Variants in RNF10 observed in about 807,000 individuals in gnomAD.
RNF10 encodes ring finger protein 10.
Under a neutral mutation model 91.4 loss-of-function variants are expected in RNF10, and 38 were observed. The ratio of observed to expected loss-of-function variants is 0.42; its 90% CI spans 0.32 to 0.54. The LOEUF (loss-of-function observed/expected upper bound fraction) is 0.54, where lower values mean the gene tolerates loss of function less well. RNF10 is among the 20% of genes least tolerant of loss of function. The pLI, the probability that RNF10 is intolerant of heterozygous loss-of-function variation, is 0.16. For synonymous variants in RNF10, 364 were observed against 366.3 expected (o/e 0.99, Z 0.07); for missense variants, 945 against 1,012.0 (o/e 0.93, Z 0.90).
At chr12:120,564,312 C>T (rs2096318452) in intron 10 of RNF10, among the ~76,000 whole-genome samples, 1 of 152,070 alleles carries the variant, frequency 6.6e-6, no homozygotes, top group South Asian at 2.1e-4. Context: ...ATAAATTTTT[C>T]ATCAAACATA....
chr12:120,548,402 A>G (rs1256994939), intron 2 of RNF10, among the ~76,000 whole-genome samples: 1 of 152,156 alleles, frequency 6.6e-6, no homozygotes, highest in African/African-American at 2.4e-5. Flanking sequence ...AGAAGAGAGC[A>G]CAGTCAGGGC....
chr12:120,557,004 C>T (rs1055862460), intron 4 of RNF10, among the ~76,000 whole-genome samples: 1 of 146,716 alleles, frequency 6.8e-6, no homozygotes, highest in African/African-American at 2.5e-5. Flanking sequence ...ATTAGCTGAG[C>T]GTGGTGGCAG....
chr12:120,565,346 G>A, intron 11 of RNF10, 82 bp from the exon 12 acceptor site: 3 of 1,348,214 alleles, frequency 2.2e-6, no homozygotes, highest in Non-Finnish European at 2.1e-6. Flanking sequence ...GCCTACTGTT[G>A]TGGGTTTAGC....
In RNF10 at chr12:120,552,549, TAAG is replaced by T; in HGVS notation, c.410_412del (p.Lys137del). The T allele has an allele frequency of 2.5e-6, 4 of 1,614,212 alleles. No individual in the cohort carries two copies. The highest frequency in any genetic ancestry group is 3.4e-6 in the Non-Finnish European group (4 of 1,180,032). Reference sequence around the variant, plus strand: ...TTAGCCCTGCCCAGTTCTCTGGTCCTAAGAAGATCAACCTGAACCACTTGTTGA... The same window carrying T: ...TTAGCCCTGCCCAGTTCTCTGGTCCTAAGATCAACCTGAACCACTTGTTGA... On this transcript the variant is annotated inframe_deletion, in exon 3 of 17. Coordinates refer to ENST00000325954, the MANE Select transcript of RNF10 (RefSeq NM_014868.5).
intron 1 of RNF10, 95 bp from the exon 2 acceptor site, chr12:120,546,310 C>T: frequency 8.9e-7 from 1 of 1,129,292 alleles, no homozygotes. Context: ...GTCAAAGGGC[C>T]TATTCACCCT....
At position 120,557,412 on chromosome 12, in the gene RNF10, C is replaced by T. The variant is rs772206831; in HGVS notation, c.776C>T (p.Thr259Met). The change falls in exon 5 of 17, where the codon ACG becomes ATG. Residue 259 changes from threonine to methionine, a missense_variant. Coordinates refer to ENST00000325954, the MANE Select transcript of RNF10 (RefSeq NM_014868.5). ...CACTATCTTTCACTGAGTGAGAAGA[C>T]GTGGAGTAAATGTCCCATCTGTTAC... ...ILHYLSLSEK[T>M]WSKCPICYSS... 30 of 1,614,046 alleles carry T rather than the reference C, an allele frequency of 1.9e-5. No homozygotes were observed. The highest frequency in any genetic ancestry group is 8.0e-5 in the African/African-American group (6 of 74,920).
chr12:120,563,792 A>AGAGC lies in RNF10; in HGVS notation c.1532-17_1532-14dup. On this transcript the variant is annotated splice_polypyrimidine_tract_variant and intron_variant, in intron 9 of 16. Coordinates refer to ENST00000325954, the MANE Select transcript of RNF10 (RefSeq NM_014868.5). ...GGACTGGCCAAGACTGGTGTGTGATAGAGCCCCTTGTCCTCAGCGGAAGAT... is the reference window on the plus strand; with the variant it reads ...GGACTGGCCAAGACTGGTGTGTGATAGAGCGAGCCCCTTGTCCTCAGCGGAAGAT... The AGAGC allele has an allele frequency of 6.2e-7, 1 of 1,613,622 alleles. No individual in the cohort carries two copies.
intron 6 of RNF10, 87 bp downstream of exon 6, chr12:120,557,769 T>C: frequency 6.8e-7 from 1 of 1,463,116 alleles, no homozygotes; most frequent in Non-Finnish European, 9.5e-7. Context: ...AAGTGAAGCC[T>C]TTGGGCAGGG....
chr12:120,575,578 A>G (rs1234785399), intron 14 of RNF10, 53 bp from the exon 15 acceptor site: 5 of 1,603,768 alleles, frequency 3.1e-6, no homozygotes, highest in African/African-American at 2.7e-5. Context: ...TCTGAAAAAG[A>G]AGTTGGACCA....
chr12:120,551,838 G>A (rs1049973655), intron 2 of RNF10, among the ~76,000 whole-genome samples: 3 of 151,904 alleles, frequency 2.0e-5, no homozygotes, highest in Non-Finnish European at 4.4e-5. Flanking sequence ...TTCTCTCATT[G>A]CTATTAAGAA....
chr12:120,535,288 C>G, intron 1 of RNF10: 1 of 248,982 alleles, frequency 4.0e-6, no homozygotes, highest in Non-Finnish European at 7.7e-6. Flanking sequence ...GTTTGTGTGA[C>G]TCATCAGTCC....
chr12:120,571,418 G>A, intron 14 of RNF10, 127 bp downstream of exon 14: 1 of 713,446 alleles, frequency 1.4e-6, no homozygotes, highest in East Asian at 2.7e-5. Context: ...TGAGTCATCT[G>A]ATGGGTAGGA....
In RNF10 at chr12:120,543,189, C is replaced by G. The variant is rs1871819324; in HGVS notation, c.158-3216C>G. 3.9e-5 allele frequency among the ~76,000 whole-genome samples: 6 copies of G among 151,966 alleles called. No homozygotes were observed. In the South Asian group the frequency reaches 1.0e-3, roughly 26 times the overall value. ...TGTACTTACCAAGAAATAATTTTTT[C>G]TAAGTTTAAAAAAAATTACTCAGAT... is the stretch of plus-strand genomic sequence containing the variant. On this transcript the variant is annotated intron_variant, in intron 1 of 16. Transcript: ENST00000325954.
In RNF10 at chr12:120,555,325, GCACC is replaced by G. The variant is rs1323117977; in HGVS notation, c.645+519_645+522del. ...GCCTCCTGAGTAGCTGGGATTACAG[GCACC>G]CGCCACCACGCCTGGCTAATTTTTG... On this transcript the variant is annotated intron_variant, in intron 4 of 16. Transcript: ENST00000325954. Among the ~76,000 whole-genome samples the G allele has an allele frequency of 6.1e-4, 93 of 151,752 alleles. 1 individual carries two copies. Among genetic ancestry groups the G allele is most frequent in the African/African-American group, 2.0e-3 (82 of 41,290 alleles).
rs769905989 is a variant in RNF10, at chr12:120,575,710, AGGGGGAGTTT to A, written c.2200+25_2200+34del. 5 of 1,614,056 alleles carry A rather than the reference AGGGGGAGTTT, an allele frequency of 3.1e-6. No homozygotes were observed. In the African/African-American group the frequency reaches 6.7e-5, roughly 22 times the overall value. On this transcript the variant is annotated intron_variant, in intron 15 of 16. Coordinates refer to ENST00000325954, the MANE Select transcript of RNF10 (RefSeq NM_014868.5). ...AAAGGTGAGGATGGTCCACTGGTGAAGGGGGAGTTTGGCTTCTTTCCATAAAAGGCTGTTT... is the reference window on the plus strand; with the variant it reads ...AAAGGTGAGGATGGTCCACTGGTGAAGGCTTCTTTCCATAAAAGGCTGTTT...
At chr12:120,562,859 G>A (rs1031179503) in intron 7 of RNF10, 86 bp from the exon 8 acceptor site, 8 of 1,554,964 alleles carry the variant, frequency 5.1e-6, no homozygotes, top group Middle Eastern at 1.8e-4. Flanking sequence ...TGGTCCTGTT[G>A]AGAGGCCATT....
chr12:120,537,358 G>A (rs929884891), intron 1 of RNF10, among the ~76,000 whole-genome samples: 1 of 152,082 alleles, frequency 6.6e-6, no homozygotes, highest in Admixed American at 6.6e-5. Context: ...CGGGTGCGGT[G>A]GCTCACGCCT....
chr12:120,571,469 T>G (rs1876619593), intron 14 of RNF10, among the ~76,000 whole-genome samples, 178 bp downstream of exon 14: 1 of 151,580 alleles, frequency 6.6e-6, no homozygotes, highest in East Asian at 1.9e-4. Flanking sequence ...CAGCATGGAG[T>G]TGGTTGAGGG....
At position 120,552,693 on chromosome 12, in the gene RNF10, G is replaced by A; in HGVS notation, c.549G>A (p.Gln183=). Residue 183 remains glutamine, a synonymous_variant, in exon 3 of 17, where the codon CAG becomes CAA. Transcript: ENST00000325954. ...HKPFNKELFL[Q]ANCQFVVSED... The stretch of plus-strand genomic sequence containing the variant: ...CTTTTAACAAGGAACTCTTTTTACA[G>A]GCCAAGTGAGTATTGCTACCCCTCA... 2 of 1,613,698 alleles carry A rather than the reference G, an allele frequency of 1.2e-6. No homozygotes were observed. Among genetic ancestry groups the A allele is most frequent in the Non-Finnish European group, 1.7e-6 (2 of 1,179,882 alleles).
Sources: gnomAD v4.1 joint callset for allele counts (sites outside exome capture counted in the v4.1 genomes callset) on GRCh38, gnomAD v4.1.1 for gene constraint, MANE v1.5 for transcripts, NCBI Gene and HGNC (gene_info 2026-07-23, HGNC 2026-07-21) for gene names.